Variants in RERE observed in about 807,000 individuals in gnomAD.
The protein encoded by RERE is arginine-glutamic acid dipeptide repeats protein.
RERE carries 40 observed loss-of-function variants against 146.1 expected under a neutral mutation model. That is an observed-to-expected ratio of 0.27 (90% CI 0.21 to 0.36). RERE has a LOEUF of 0.36. Among genes scored for constraint, RERE ranks in the 10% least tolerant of loss-of-function variants. The pLI, the probability that RERE is intolerant of heterozygous loss-of-function variation, is 1.00. For missense variants in RERE, 1,933 were observed against 2,138.7 expected, an observed-to-expected ratio of 0.90 and a Z score of 1.90; for synonymous variants, 1,003 against 866.0, an observed-to-expected ratio of 1.16 and a Z score of -2.78.
chr1:8,775,804 C>T (rs903337383), intron 1 of RERE, among the ~76,000 whole-genome samples: 1 of 152,174 alleles, frequency 6.6e-6, no homozygotes, highest in African/African-American at 2.4e-5. Flanking sequence ...CATATATTAA[C>T]TCATTTAACT....
chr1:8,515,913 C>T (rs1051198580), intron 7 of RERE, among the ~76,000 whole-genome samples: 11 of 151,988 alleles, frequency 7.2e-5, no homozygotes, highest in Admixed American at 2.0e-4. Context: ...TTTTCACATA[C>T]GTTATCTTAA....
intron 2 of RERE, among the ~76,000 whole-genome samples, chr1:8,639,443 T>C (rs1437222389): frequency 1.3e-5 from 2 of 152,218 alleles, no homozygotes; most frequent in African/African-American, 2.4e-5. Context: ...TCAAAATCAT[T>C]CTGGTTTATA....
chr1:8,588,759 A>G (rs1353108157), intron 4 of RERE, among the ~76,000 whole-genome samples: 1 of 152,218 alleles, frequency 6.6e-6, no homozygotes, highest in African/African-American at 2.4e-5. Flanking sequence ...AGCTTCTCTC[A>G]CAGAACCTCC....
intron 4 of RERE, among the ~76,000 whole-genome samples, chr1:8,587,425 A>AT (rs1646439565): frequency 1.3e-5 from 2 of 152,292 alleles, no homozygotes; most frequent in South Asian, 2.1e-4. Flanking sequence ...CCTATCTACA[A>AT]TACAAATCAC....
At chr1:8,753,252 TCAC>T (rs973823009) in intron 1 of RERE, among the ~76,000 whole-genome samples, 4 of 152,180 alleles carry the variant, frequency 2.6e-5, no homozygotes, top group African/African-American at 9.7e-5. Flanking sequence ...CCATTCCCAT[TCAC>T]CAATGACTCT....
chr1:8,524,233 A>G (rs1225027691), intron 7 of RERE, among the ~76,000 whole-genome samples: 2 of 152,220 alleles, frequency 1.3e-5, no homozygotes, highest in Non-Finnish European at 2.9e-5. Flanking sequence ...AAGCCCTCAC[A>G]TGGGTAAAAA....
chr1:8,608,478 T>C (rs1646749973), intron 4 of RERE, among the ~76,000 whole-genome samples: 1 of 152,142 alleles, frequency 6.6e-6, no homozygotes, highest in Non-Finnish European at 1.5e-5. Context: ...CACCCCTGCC[T>C]GGGTGACAGA....
At chr1:8,595,631 T>G (rs1018265321) in intron 4 of RERE, among the ~76,000 whole-genome samples, 6 of 152,140 alleles carry the variant, frequency 3.9e-5, no homozygotes, top group Non-Finnish European at 8.8e-5. Flanking sequence ...AAAAAGCATG[T>G]TTAAGCAATA....
intron 4 of RERE, among the ~76,000 whole-genome samples, chr1:8,581,378 T>G (rs542498902): frequency 5.9e-5 from 9 of 152,340 alleles, no homozygotes; most frequent in Non-Finnish European, 1.2e-4. Flanking sequence ...GTATTCTGCA[T>G]CCAATTGCTT....
intron 1 of RERE, among the ~76,000 whole-genome samples, chr1:8,745,501 T>C (rs1640401933): frequency 6.6e-6 from 1 of 152,226 alleles, no homozygotes; most frequent in African/African-American, 2.4e-5. Flanking sequence ...GTTTTCCATC[T>C]GTCCCATTCC....
At chr1:8,666,463 A>G (rs1208086841) in intron 1 of RERE, among the ~76,000 whole-genome samples, 2 of 152,234 alleles carry the variant, frequency 1.3e-5, no homozygotes, top group South Asian at 2.1e-4. Context: ...GCCAGCATGC[A>G]GCAGAAAACC....
chr1:8,745,179 A>G (rs951279371), intron 1 of RERE, among the ~76,000 whole-genome samples: 3 of 152,042 alleles, frequency 2.0e-5, no homozygotes, highest in African/African-American at 7.2e-5. Context: ...TTCCCCCATG[A>G]TGTTCTAGAG....
chr1:8,806,120 G>T (rs2124599152), intron 1 of RERE, among the ~76,000 whole-genome samples: 1 of 152,060 alleles, frequency 6.6e-6, no homozygotes, highest in East Asian at 1.9e-4. Context: ...CCAAAGTGCT[G>T]GGATTACAGG....
intron 1 of RERE, among the ~76,000 whole-genome samples, chr1:8,768,322 A>G (rs1640885529): frequency 6.6e-6 from 1 of 152,250 alleles, no homozygotes; most frequent in Non-Finnish European, 1.5e-5. Context: ...CTTTCCAGGA[A>G]AGTTGTATAA....
At chr1:8,449,434 A>G (rs926954460) in intron 11 of RERE, among the ~76,000 whole-genome samples, 4 of 152,246 alleles carry the variant, frequency 2.6e-5, no homozygotes, top group Non-Finnish European at 5.9e-5. Flanking sequence ...CACAGCTGAC[A>G]TAAGATTATC....
At chr1:8,762,516 T>C (rs1640774098) in intron 1 of RERE, among the ~76,000 whole-genome samples, 1 of 152,184 alleles carries the variant, frequency 6.6e-6, no homozygotes, top group Non-Finnish European at 1.5e-5. Context: ...CAGCCCTTTT[T>C]GGTTCCTAGA....
At chr1:8,719,753 T>A (rs1427328361) in intron 1 of RERE, among the ~76,000 whole-genome samples, 1 of 152,086 alleles carries the variant, frequency 6.6e-6, no homozygotes, top group East Asian at 1.9e-4. Context: ...TTTCAAAACA[T>A]TTACATTATT....
At chr1:8,614,984 C>A (rs886806130) in intron 3 of RERE, among the ~76,000 whole-genome samples, 1 of 152,112 alleles carries the variant, frequency 6.6e-6, no homozygotes, top group Non-Finnish European at 1.5e-5. Context: ...GAGATAGTGC[C>A]AAAGCACAGT....
chr1:8,721,336 G>A (rs754013644), intron 1 of RERE, among the ~76,000 whole-genome samples: 28 of 152,012 alleles, frequency 1.8e-4, no homozygotes, highest in Admixed American at 9.8e-4. Context: ...TTTTTAGAAG[G>A]AGTCTCGCTC....
Sources: allele counts gnomAD v4.1 joint callset (sites outside exome capture counted in the v4.1 genomes callset), GRCh38; gene constraint gnomAD v4.1.1; transcripts MANE v1.5; gene names NCBI Gene and HGNC (gene_info 2026-07-23, HGNC 2026-07-21).